FARP1: variants seen among roughly 807,000 people sequenced by gnomAD.
FARP1 encodes FERM, ARH/RhoGEF and pleckstrin domain protein 1, also known as FERM, ARHGEF and pleckstrin domain-containing protein 1.
In FARP1, 52 loss-of-function variants were observed where a neutral mutation model predicts 128.8. The observed-to-expected ratio is 0.40, with a 90% confidence interval of 0.32 to 0.51. FARP1 has a LOEUF of 0.51. Among genes scored for constraint, FARP1 ranks in the 20% least tolerant of loss-of-function variants. The pLI, the probability that FARP1 is intolerant of heterozygous loss-of-function variation, is 0.45. For missense variants in FARP1, 1,333 were observed against 1,367.9 expected (o/e 0.97, Z 0.40); for synonymous variants, 580 against 551.8 (o/e 1.05, Z -0.72).
intron 2 of FARP1, among the ~76,000 whole-genome samples, chr13:98,278,195 T>TGTGTA (rs1566825660): frequency 5.6e-5 from 8 of 141,812 alleles, no homozygotes; most frequent in African/African-American, 2.3e-4. Flanking sequence ...GTGTGTATGT[T>TGTGTA]CTGTGTGTCT....
intron 4 of FARP1, among the ~76,000 whole-genome samples, chr13:98,366,141 G>A (rs969147292): frequency 6.6e-6 from 1 of 152,128 alleles, no homozygotes; most frequent in African/African-American, 2.4e-5. Flanking sequence ...TGTAGTCAGA[G>A]TCTGGACAAA....
chr13:98,165,709 GGTTTTTTTTTTTTTTTTTTT>G (rs1566685793), intron 1 of FARP1, among the ~76,000 whole-genome samples: 2 of 102,476 alleles, frequency 2.0e-5, no homozygotes, highest in Non-Finnish European at 2.0e-5. Flanking sequence ...TTCCAGAAGG[GGTTTTTTTTTTTTTTTTTTT>G]TTTTTTTTTT....
chr13:98,445,314 G>A (rs1001314160), intron 24 of FARP1: 3 of 152,288 alleles, frequency 2.0e-5, no homozygotes, highest in African/African-American at 7.2e-5. Context: ...TTGAGTCTCT[G>A]CTGGTGATGT....
At position 98,450,911 on chromosome 13, in the gene FARP1, GGCGA is replaced by G. The variant is rs1339670754; in HGVS notation, c.*2597_*2600del. Reference sequence around the variant, plus strand: ...CAGCCCAGGAGAGAATGTACACAGAGGCGAGCTTTCTAACTCCATCAAACCCCAC... The same window carrying G: ...CAGCCCAGGAGAGAATGTACACAGAGGCTTTCTAACTCCATCAAACCCCAC... On this transcript the variant is annotated 3_prime_UTR_variant, in exon 27 of 27. Transcript: ENST00000319562. 1 of 152,200 alleles carries G rather than the reference GGCGA, an allele frequency of 6.6e-6. No individual in the cohort carries two copies. The highest frequency in any genetic ancestry group is 2.4e-5 in the African/African-American group (1 of 41,450). The allele number at this position is 152,200 out of a possible 1,614,324, so 9.4% of individuals were successfully genotyped here.
At chr13:98,248,752 G>A (rs557295787) in intron 2 of FARP1, among the ~76,000 whole-genome samples, 4 of 151,932 alleles carry the variant, frequency 2.6e-5, no homozygotes, top group South Asian at 2.1e-4. Context: ...CTCAGCTCTC[G>A]CGCTGGAAAC....
chr13:98,448,036 G>A, intron 26 of FARP1, 200 bp from the exon 27 acceptor site: 2 of 600,876 alleles, frequency 3.3e-6, no homozygotes, highest in Non-Finnish European at 6.0e-6. Flanking sequence ...GCTCCACACT[G>A]AGTGAGTGCC....
At chr13:98,173,866 T>C (rs1877813244) in intron 1 of FARP1, among the ~76,000 whole-genome samples, 1 of 152,194 alleles carries the variant, frequency 6.6e-6, no homozygotes, top group Non-Finnish European at 1.5e-5. Context: ...AGCAGGGTGC[T>C]GTGTAAGGTG....
At chr13:98,383,807 T>C (rs1889981606) in intron 6 of FARP1, 1 of 152,184 alleles carries the variant, frequency 6.6e-6, no homozygotes, top group Non-Finnish European at 1.5e-5. Context: ...TTGAGGACTG[T>C]CTTGAGGTTA....
At position 98,260,118 on chromosome 13, in the gene FARP1, A is replaced by G. The variant is rs1338554156; in HGVS notation, c.171+46705A>G. Among the ~76,000 whole-genome samples the G allele has an allele frequency of 2.0e-5, 3 of 152,320 alleles. No individual in the cohort carries two copies. The East Asian group carries it at 5.8e-4, about 29-fold the overall frequency. ...GAAAATTCTAGAATAAGTAAGCCTTACATTGGGTAAATACAAGTTTTAAAA... is the reference window on the plus strand; with the variant it reads ...GAAAATTCTAGAATAAGTAAGCCTTGCATTGGGTAAATACAAGTTTTAAAA... On this transcript the variant is annotated intron_variant, in intron 2 of 26. Coordinates refer to ENST00000319562, the MANE Select transcript of FARP1 (RefSeq NM_005766.4).
At chr13:98,234,237 G>C (rs1162203442) in intron 2 of FARP1, 2 of 152,090 alleles carry the variant, frequency 1.3e-5, no homozygotes, top group Non-Finnish European at 2.9e-5. Flanking sequence ...CTTGTTCCTT[G>C]TTCTTAGATG....
chr13:98,334,662 G>T (rs1887666796), intron 2 of FARP1, among the ~76,000 whole-genome samples: 1 of 152,152 alleles, frequency 6.6e-6, no homozygotes, highest in African/African-American at 2.4e-5. Flanking sequence ...TACCCACCAT[G>T]TGGCTGTATT....
rs1398277805 is a variant in FARP1, at chr13:98,336,996, G to A, written c.172-6766G>A. ...TTACGATTGAGACTGATAGTGAACG[G>A]GGTGGTTTCTTAGAGCTGATGGGAG... On this transcript the variant is annotated intron_variant, in intron 2 of 26. Coordinates refer to ENST00000319562, the MANE Select transcript of FARP1 (RefSeq NM_005766.4). Among the ~76,000 whole-genome samples, 4 of 152,278 alleles carry A rather than the reference G, an allele frequency of 2.6e-5. No individual in the cohort carries two copies. In the East Asian group the frequency reaches 7.7e-4, roughly 29 times the overall value.
In FARP1 at chr13:98,451,671, C is replaced by T. The variant is rs1179002751; in HGVS notation, c.*3354C>T. The T allele has an allele frequency of 6.6e-6, 1 of 152,242 alleles. No homozygotes were observed. Among genetic ancestry groups the T allele is most frequent in the Non-Finnish European group, 1.5e-5 (1 of 68,094 alleles). The allele number at this position is 152,242 out of a possible 1,614,324, so 9.4% of individuals were successfully genotyped here. On this transcript the variant is annotated 3_prime_UTR_variant, in exon 27 of 27. Coordinates refer to ENST00000319562, the MANE Select transcript of FARP1 (RefSeq NM_005766.4). The stretch of plus-strand genomic sequence containing the variant: ...ACTAACTTCCTTGCTTCCAAAAATC[C>T]TGTCTTAACTCCACAAGAACTGGCA...
intron 2 of FARP1, among the ~76,000 whole-genome samples, chr13:98,320,713 CAACA>C (rs1566874916): frequency 6.6e-6 from 1 of 152,202 alleles, no homozygotes; most frequent in Non-Finnish European, 1.5e-5. Context: ...ATGGTATCTT[CAACA>C]GTGATCTTCA....
chr13:98,191,055 G>A (rs1038659719), intron 1 of FARP1, among the ~76,000 whole-genome samples: 21 of 152,138 alleles, frequency 1.4e-4, no homozygotes, highest in Admixed American at 5.9e-4. Flanking sequence ...GAGCTGACAC[G>A]CAACGTGGCC....
chr13:98,407,360 A>G (rs1455033165), intron 13 of FARP1: 2 of 151,700 alleles, frequency 1.3e-5, no homozygotes, highest in African/African-American at 4.9e-5. Flanking sequence ...TTTTTTTTAA[A>G]TAATAGTGTA....
intron 2 of FARP1, among the ~76,000 whole-genome samples, chr13:98,232,145 G>GTTTGTTTTTTTT (rs1882159546): frequency 9.5e-6 from 1 of 105,790 alleles, no homozygotes; most frequent in Non-Finnish European, 1.9e-5. Context: ...TGTTTGGTTG[G>GTTTGTTTTTTTT]TTTTTTTTTT....
intron 2 of FARP1, among the ~76,000 whole-genome samples, chr13:98,309,536 T>C (rs1886357452): frequency 6.6e-6 from 1 of 152,176 alleles, no homozygotes; most frequent in Non-Finnish European, 1.5e-5. Flanking sequence ...TTGTAGCTCA[T>C]ATTCTATTTC....
chr13:98,365,409 C>G lies in FARP1; in HGVS notation c.291C>G (p.Leu97=). The part of the protein sequence containing the change: ...DHKKITVWLD[L]LKPIVKQIRR... The stretch of plus-strand genomic sequence containing the variant: ...TTCCCTTCTAGGTGTGGCTGGATCT[C>G]CTAAAACCCATTGTGAAACAGATTA... Residue 97 remains leucine (L), a synonymous_variant, in exon 4 of 27, where the codon CTC becomes CTG. Transcript: ENST00000319562. The G allele has an allele frequency of 1.2e-6, 2 of 1,610,386 alleles. No individual in the cohort carries two copies. The highest frequency in any genetic ancestry group is 8.5e-7 in the Non-Finnish European group (1 of 1,176,790).
Sources: allele counts gnomAD v4.1 joint callset (sites outside exome capture counted in the v4.1 genomes callset), GRCh38; gene constraint gnomAD v4.1.1; transcripts MANE v1.5; gene names NCBI Gene and HGNC (gene_info 2026-07-23, HGNC 2026-07-21).